MPC1: variants seen among roughly 807,000 people sequenced by gnomAD.
The protein encoded by MPC1 is HSPC040 protein.
Under a neutral mutation model 13.9 loss-of-function variants are expected in MPC1, and 6 were observed. That is an observed-to-expected ratio of 0.43 (90% CI 0.24 to 0.85). MPC1 has a LOEUF of 0.85. Ranked by LOEUF, MPC1 falls within the 40% of genes least tolerant of loss-of-function variation. The pLI, the probability that MPC1 is intolerant of heterozygous loss-of-function variation, is 0.24. For synonymous variants in MPC1, 47 were observed against 50.5 expected (o/e 0.93, Z 0.29); for missense variants, 115 against 143.3 (o/e 0.80, Z 1.01).
chr6:166,382,765 G>A (rs373243456), intron 1 of MPC1, 41 bp downstream of exon 1: 2 of 1,545,536 alleles, frequency 1.3e-6, no homozygotes, highest in African/African-American at 1.4e-5. Context: ...CCTCCCGGGA[G>A]CCCCTCCGGG....
intron 1 of MPC1, among the ~76,000 whole-genome samples, chr6:166,370,690 C>T (rs748017348): frequency 8.5e-5 from 13 of 152,062 alleles, no homozygotes; most frequent in Non-Finnish European, 1.6e-4. Context: ...CCCATCTATA[C>T]ACAAATATAT....
At chr6:166,372,341 CT>C (rs1779410735) in intron 1 of MPC1, among the ~76,000 whole-genome samples, 1 of 152,098 alleles carries the variant, frequency 6.6e-6, no homozygotes, top group Non-Finnish European at 1.5e-5. Flanking sequence ...CATACAACAG[CT>C]TGATTATACC....
chr6:166,366,687 T>C, intron 3 of MPC1, 108 bp downstream of exon 3: 2 of 1,025,762 alleles, frequency 1.9e-6, no homozygotes, highest in Non-Finnish European at 3.0e-6. Flanking sequence ...ACATTCTGTA[T>C]GTGACTTTCT....
At chr6:166,366,662 C>A in intron 3 of MPC1, 133 bp downstream of exon 3, 1 of 807,326 alleles carries the variant, frequency 1.2e-6, no homozygotes, top group South Asian at 1.6e-5. Flanking sequence ...AGAAGTAACA[C>A]TCTTCCATGC....
chr6:166,367,065 T>TC, intron 2 of MPC1, 174 bp from the exon 3 acceptor site: 2 of 1,473,632 alleles, frequency 1.4e-6, no homozygotes, highest in Non-Finnish European at 1.8e-6. Flanking sequence ...TATTGGATTG[T>TC]CCAAGTGTTC....
chr6:166,377,370 T>C (rs1779608365), intron 1 of MPC1, among the ~76,000 whole-genome samples: 1 of 152,064 alleles, frequency 6.6e-6, no homozygotes, highest in Non-Finnish European at 1.5e-5. Flanking sequence ...GTCACCCTGA[T>C]GGACATGGTG....
chr6:166,371,190 C>T (rs532428122), intron 1 of MPC1, among the ~76,000 whole-genome samples: 9 of 152,294 alleles, frequency 5.9e-5, no homozygotes, highest in African/African-American at 2.2e-4. Flanking sequence ...ACTTTCCCTT[C>T]TGCTTACTAA....
chr6:166,371,711 G>A (rs1024738304), intron 1 of MPC1, among the ~76,000 whole-genome samples: 3 of 152,130 alleles, frequency 2.0e-5, no homozygotes, highest in African/African-American at 7.2e-5. Context: ...GCTTGAAACC[G>A]TGGATAATAC....
intron 1 of MPC1, among the ~76,000 whole-genome samples, chr6:166,375,754 A>G (rs1779546518): frequency 6.6e-6 from 1 of 152,136 alleles, no homozygotes; most frequent in African/African-American, 2.4e-5. Flanking sequence ...CACACACCAT[A>G]TGATTTCTAG....
chr6:166,380,834 G>A (rs371230935), intron 1 of MPC1, among the ~76,000 whole-genome samples: 1 of 133,994 alleles, frequency 7.5e-6, no homozygotes, highest in Non-Finnish European at 1.7e-5. Context: ...AGCTACTTGG[G>A]AAGCTAAGGT....
rs753004877 is a variant in MPC1, at chr6:166,365,926, A to G, written c.305+48T>C. 5 of 1,600,160 alleles carry G rather than the reference A, an allele frequency of 3.1e-6. No homozygotes were observed. Among genetic ancestry groups the G allele is most frequent in the Non-Finnish European group, 4.3e-6 (5 of 1,170,440 alleles). ...AAAGATTTTAGTTTCACTCTCCCCAATTCCTCAAATTCCTGAAAAGAAAGT... is the reference window on the plus strand; with the variant it reads ...AAAGATTTTAGTTTCACTCTCCCCAGTTCCTCAAATTCCTGAAAAGAAAGT... On this transcript the variant is annotated intron_variant, in intron 4 of 4. Coordinates refer to ENST00000360961, the MANE Select transcript of MPC1 (RefSeq NM_016098.4). This position sits in a 1 kb window ranked among gnomAD's most constrained non-coding sequence, Gnocchi z 4.2.
chr6:166,370,725 G>T (rs1374036071), intron 1 of MPC1, among the ~76,000 whole-genome samples: 2 of 152,086 alleles, frequency 1.3e-5, no homozygotes, highest in African/African-American at 4.8e-5. Flanking sequence ...GGGCATGGGT[G>T]GTTTGTGCCT....
chr6:166,382,443 G>A (rs993459189), intron 1 of MPC1, among the ~76,000 whole-genome samples: 2 of 148,354 alleles, frequency 1.3e-5, no homozygotes, highest in African/African-American at 5.0e-5. Flanking sequence ...CTTGAGGGGC[G>A]CCCACTGTCA....
At chr6:166,380,405 G>C (rs1415773168) in intron 1 of MPC1, among the ~76,000 whole-genome samples, 3 of 152,168 alleles carry the variant, frequency 2.0e-5, no homozygotes. Context: ...ACTGTTCCGA[G>C]TAATGCAATT....
chr6:166,380,582 T>C (rs1474569754), intron 1 of MPC1, among the ~76,000 whole-genome samples: 3 of 152,178 alleles, frequency 2.0e-5, no homozygotes, highest in Non-Finnish European at 4.4e-5. Context: ...GAAGAAAATA[T>C]AACACTTAGA....
In MPC1 at chr6:166,382,916, G is replaced by C; in HGVS notation, c.-40C>G. The C allele has an allele frequency of 6.4e-7, 1 of 1,569,112 alleles. No homozygotes were observed. The highest frequency in any genetic ancestry group is 8.6e-7 in the Non-Finnish European group (1 of 1,159,628). ...CAGACCCCGAGTGGTCCCTGCCTCT[G>C]CTGCCGCTTCCCAGAGCCAATGACA... On this transcript the variant is annotated 5_prime_UTR_variant, in exon 1 of 5. Transcript: ENST00000360961.
rs368467953 is a variant in MPC1, at chr6:166,369,724, T to C, written c.75+494A>G. 6.8e-4 allele frequency among the ~76,000 whole-genome samples: 103 copies of C among 152,356 alleles called. 1 individual carries two copies. The South Asian group carries it at 0.02, about 30-fold the overall frequency. ...ATTTTGAGAAAAATAAGGAACTTTATTAAAATTCAAAAAGAAATTAACATA... is the reference window on the plus strand; with the variant it reads ...ATTTTGAGAAAAATAAGGAACTTTACTAAAATTCAAAAAGAAATTAACATA... On this transcript the variant is annotated intron_variant, in intron 2 of 4. Transcript: ENST00000360961.
intron 1 of MPC1, 50 bp from the exon 2 acceptor site, chr6:166,370,271 A>G (rs751662895): frequency 2.8e-6 from 2 of 715,236 alleles, no homozygotes; most frequent in Middle Eastern, 3.6e-4. Context: ...CATGGAAAAA[A>G]AAGAAACAAA....
intron 1 of MPC1, among the ~76,000 whole-genome samples, chr6:166,380,738 G>A (rs1977056): frequency 0.62 from 94,707 of 151,746 alleles, 31,483 homozygotes; most frequent in East Asian, 0.94. Context: ...TCGGGAGTTC[G>A]AGACCAGCCT....
Sources: gnomAD v4.1 joint callset for allele counts (sites outside exome capture counted in the v4.1 genomes callset) on GRCh38, gnomAD v4.1.1 for gene constraint, Gnocchi (gnomAD v3.1) non-coding constraint, MANE v1.5 for transcripts, NCBI Gene and HGNC (gene_info 2026-07-23, HGNC 2026-07-21) for gene names.